The following NINL variants were observed in gnomAD, a reference collection of about 807,000 sequenced individuals.
NINL encodes ninein like.
A neutral mutation model predicts 160.3 loss-of-function variants in NINL; 153 were observed. The ratio of observed to expected loss-of-function variants is 0.95; its 90% CI spans 0.84 to 1.09. The LOEUF is 1.09. NINL is among the 50% of genes least tolerant of loss of function. NINL has a pLI of 0.00. For missense variants in NINL, 1,829 were observed against 1,764.0 expected (o/e 1.04, Z -0.66); for synonymous variants, 800 against 734.8 (o/e 1.09, Z -1.43).
intron 1 of NINL, among the ~76,000 whole-genome samples, chr20:25,534,019 T>C (rs146648019): frequency 4.6e-5 from 7 of 152,248 alleles, no homozygotes; most frequent in East Asian, 3.9e-4. Flanking sequence ...GGGGCCAGGA[T>C]GGTGGGAGCA....
chr20:25,479,298 A>G (rs1568881754), intron 15 of NINL, 92 bp from the exon 16 acceptor site: 4 of 1,491,170 alleles, frequency 2.7e-6, no homozygotes, highest in Non-Finnish European at 3.6e-6. Flanking sequence ...TGCCTGGCAC[A>G]ACGTGCAAAG....
chr20:25,484,255 G>A (rs2063462147), intron 13 of NINL, among the ~76,000 whole-genome samples: 1 of 152,186 alleles, frequency 6.6e-6, no homozygotes, highest in African/African-American at 2.4e-5. Context: ...CAGAGATCAG[G>A]TGACATACAG....
At chr20:25,453,968 T>C (rs1168721682) in intron 23 of NINL, among the ~76,000 whole-genome samples, 1 of 151,800 alleles carries the variant, frequency 6.6e-6, no homozygotes, top group Non-Finnish European at 1.5e-5. Flanking sequence ...AGGAGAATGG[T>C]GTGAACCCGG....
chr20:25,511,319 C>G (rs182857117), intron 4 of NINL, among the ~76,000 whole-genome samples: 249 of 152,308 alleles, frequency 1.6e-3, no homozygotes, highest in African/African-American at 5.6e-3. Flanking sequence ...ACTCCAGCAG[C>G]CTTTGCAAAT....
rs780422445 is a variant in NINL, at chr20:25,512,887, G to C, written c.397C>G (p.Gln133Glu). The C allele has an allele frequency of 3.1e-6, 5 of 1,614,088 alleles. No homozygotes were observed. Among genetic ancestry groups the C allele is most frequent in the Non-Finnish European group, 4.2e-6 (5 of 1,180,036 alleles). The change falls in exon 4 of 24, where the codon CAG becomes GAG. Residue 133 changes from glutamine to glutamate, a missense_variant. Coordinates refer to ENST00000278886, the MANE Select transcript of NINL (RefSeq NM_025176.6). ...CAGAGGTGACTTTTCAGGCTGGCCT[G>C]GGTTTGCTGCTCCGGCACGCGTCTG... ...EARRVPEQQTQASLKSHLWRS... is the reference protein window; with the variant it reads ...EARRVPEQQTEASLKSHLWRS...
At chr20:25,459,726 C>T (rs758330071) in intron 21 of NINL, among the ~76,000 whole-genome samples, 4 of 152,108 alleles carry the variant, frequency 2.6e-5, no homozygotes, top group Admixed American at 6.5e-5. Flanking sequence ...CTAATTAAGC[C>T]GCTCCACAGC....
rs755337364 is a variant in NINL at position 25,481,984 on chromosome 20, A to AG, written c.1793dup (p.Gly599TrpfsTer12). ...GGCTCCTACCTGCTGGGCCGAGTCCAGGGAGCTGCCGTCTGCGCCCATCCG... is the reference window on the plus strand; with the variant it reads ...GGCTCCTACCTGCTGGGCCGAGTCCAGGGGAGCTGCCGTCTGCGCCCATCCG... On this transcript the variant is annotated frameshift_variant, in exon 14 of 24. Coordinates refer to ENST00000278886, the MANE Select transcript of NINL (RefSeq NM_025176.6). LOFTEE classifies it high-confidence loss of function. 6.3e-7 allele frequency: 1 copy of AG among 1,597,610 alleles called. No individual in the cohort carries two copies. Among genetic ancestry groups the AG allele is most frequent in the South Asian group, 1.1e-5 (1 of 90,958 alleles).
At chr20:25,460,941 T>C (rs999414253) in intron 21 of NINL, among the ~76,000 whole-genome samples, 1 of 152,060 alleles carries the variant, frequency 6.6e-6, no homozygotes, top group African/African-American at 2.4e-5. Context: ...CCTGCTCTTC[T>C]CCTCTCCCTT....
At chr20:25,521,710 A>G (rs1402245824) in intron 2 of NINL, among the ~76,000 whole-genome samples, 1 of 152,124 alleles carries the variant, frequency 6.6e-6, no homozygotes, top group Admixed American at 6.5e-5. Context: ...TACAGGTCTT[A>G]CCCTTCAGGA....
In NINL at chr20:25,517,736, A is replaced by G. The variant is rs1555870443; in HGVS notation, c.277+17T>C. Reference sequence around the variant, plus strand: ...CAAACAAATAATGAAAAGAAAACACAGAGGAAATCCTCTTACCTGATTCCA... The same window carrying G: ...CAAACAAATAATGAAAAGAAAACACGGAGGAAATCCTCTTACCTGATTCCA... On this transcript the variant is annotated intron_variant, in intron 3 of 23. Coordinates refer to ENST00000278886, the MANE Select transcript of NINL (RefSeq NM_025176.6). The G allele has an allele frequency of 3.2e-6, 5 of 1,542,162 alleles. No individual in the cohort carries two copies. In the Admixed American group the frequency reaches 1.0e-4, roughly 31 times the overall value.
chr20:25,486,573 C>CCA (rs2063508222), intron 13 of NINL, among the ~76,000 whole-genome samples: 1 of 152,168 alleles, frequency 6.6e-6, no homozygotes, highest in Non-Finnish European at 1.5e-5. Flanking sequence ...CCCACCCACC[C>CCA]CACACACACC....
chr20:25,522,362 A>C lies in NINL; in HGVS notation c.180+4046T>G, dbSNP rs185048343. 7.1e-4 allele frequency among the ~76,000 whole-genome samples: 108 copies of C among 152,342 alleles called. 1 individual carries two copies. Among genetic ancestry groups the C allele is most frequent in the Middle Eastern group, 3.4e-3 (1 of 294 alleles). On this transcript the variant is annotated intron_variant, in intron 2 of 23. Coordinates refer to ENST00000278886, the MANE Select transcript of NINL (RefSeq NM_025176.6). ...CACTTGCCACTATCAGAACATCTGA[A>C]CTGCTTCTTCCTTTTTTTAGGGCTG... is the stretch of plus-strand genomic sequence containing the variant.
rs575155036 is a variant in NINL, at chr20:25,509,023, C to T, written c.517+1651G>A. On this transcript the variant is annotated intron_variant, in intron 5 of 23. Transcript: ENST00000278886. ...CAAATTTCTTTGACACTCTTCCCTT[C>T]AGGTCTGTGTCCCTTCTCCTTGAAT... Among the ~76,000 whole-genome samples, 16 of 152,320 alleles carry T rather than the reference C, an allele frequency of 1.1e-4. 1 individual carries two copies. The South Asian group carries it at 3.1e-3, about 30-fold the overall frequency.
At chr20:25,480,511 A>C (rs2063364815) in intron 14 of NINL, among the ~76,000 whole-genome samples, 1 of 152,174 alleles carries the variant, frequency 6.6e-6, no homozygotes, top group Admixed American at 6.5e-5. Flanking sequence ...TTAGTCCCTA[A>C]AATATGCTGT....
At chr20:25,513,086 A>G in intron 3 of NINL, 80 bp from the exon 4 acceptor site, 1 of 1,431,330 alleles carries the variant, frequency 7.0e-7, no homozygotes, top group Non-Finnish European at 9.5e-7. Context: ...ACCCTCTGAG[A>G]AGGTGCACAC....
intron 19 of NINL, among the ~76,000 whole-genome samples, chr20:25,463,201 C>T (rs1197457861): frequency 6.6e-6 from 1 of 152,146 alleles, no homozygotes; most frequent in Non-Finnish European, 1.5e-5. Context: ...AACACACACA[C>T]ATCTAGGCCA....
chr20:25,489,451 A>G, intron 12 of NINL, 127 bp from the exon 13 acceptor site: 1 of 741,094 alleles, frequency 1.3e-6, no homozygotes, highest in Non-Finnish European at 2.4e-6. Context: ...CTCCAGGTAT[A>G]GCCGCCATCC....
chr20:25,461,419 A>C, intron 21 of NINL, 103 bp downstream of exon 21: 1 of 699,222 alleles, frequency 1.4e-6, no homozygotes, highest in Middle Eastern at 3.9e-4. Flanking sequence ...CAGCGCAACT[A>C]CTTCTTTGGG....
At chr20:25,519,860 C>T (rs529295416) in intron 2 of NINL, among the ~76,000 whole-genome samples, 56 of 151,624 alleles carry the variant, frequency 3.7e-4, no homozygotes, top group African/African-American at 1.2e-3. Context: ...AGTAATTAGC[C>T]GGGCATGGCG....
Sources: gnomAD v4.1 joint callset for allele counts (sites outside exome capture counted in the v4.1 genomes callset) on GRCh38, gnomAD v4.1.1 for gene constraint, MANE v1.5 for transcripts, NCBI Gene and HGNC (gene_info 2026-07-23, HGNC 2026-07-21) for gene names.